CACNA1C: variants seen among roughly 807,000 people sequenced by gnomAD.
CACNA1C encodes the protein calcium voltage-gated channel subunit alpha1 C.
CACNA1C carries 30 observed loss-of-function variants against 229.0 expected under a neutral mutation model. The ratio of observed to expected loss-of-function variants is 0.13; its 90% CI spans 0.10 to 0.18. The LOEUF is 0.18. Ranked by LOEUF, CACNA1C falls within the 10% of genes least tolerant of loss-of-function variation. CACNA1C has a pLI of 1.00. For synonymous variants in CACNA1C, 1,114 were observed against 1,132.5 expected (o/e 0.98, Z 0.33); for missense variants, 1,658 against 2,845.0 (o/e 0.58, Z 9.49).
chr12:2,581,771 C>T lies in CACNA1C; in HGVS notation c.2077C>T (p.Pro693Ser). Reference sequence around the variant, plus strand: ...CCGGAGGAGCACATTCGATAACTTCCCCCAGTCCCTCCTCACTGTGTTTCA... The same window carrying T: ...CCGGAGGAGCACATTCGATAACTTCTCCCAGTCCCTCCTCACTGTGTTTCA... ...QTRRSTFDNFPQSLLTVFQIL... is the reference protein window; with the variant it reads ...QTRRSTFDNFSQSLLTVFQIL... Residue 693 changes from proline (P) to serine (S), a missense_variant, in exon 14 of 47, where the codon CCC (proline) becomes TCC (serine). Pro to Ser is a moderately conservative substitution (Grantham distance 74). Coordinates refer to ENST00000399655, the MANE Select transcript of CACNA1C (RefSeq NM_000719.7). 1 of 1,610,540 alleles carries T rather than the reference C, an allele frequency of 6.2e-7. No individual in the cohort carries two copies. The highest frequency in any genetic ancestry group is 1.1e-5 in the South Asian group (1 of 90,954).
intron 1 of CACNA1C, among the ~76,000 whole-genome samples, chr12:2,113,557 G>A (rs1323044828): frequency 3.3e-5 from 5 of 152,148 alleles, no homozygotes; most frequent in African/African-American, 4.8e-5. Context: ...CACTGTGGGC[G>A]GCCTTGGGTG....
upstream of CACNA1C, among the ~76,000 whole-genome samples, chr12:2,052,152 C>T (rs940655517): frequency 1.3e-5 from 2 of 152,112 alleles, no homozygotes; most frequent in Non-Finnish European, 2.9e-5. Flanking sequence ...TAGATTCCTG[C>T]CGGAGTTGCA....
At position 2,067,406 on chromosome 12, in the gene CACNA1C, G is replaced by A. The variant is rs1318800778; in HGVS notation, c.49+13795G>A. 6.6e-6 allele frequency among the ~76,000 whole-genome samples: 1 copy of A among 151,846 alleles called. No homozygotes were observed. The highest frequency in any genetic ancestry group is 1.5e-5 in the Non-Finnish European group (1 of 68,002). Reference sequence around the variant, plus strand: ...CAAAAGCCTGGGTGGTGGAGATGGTGGCAGTTTAAGGATGTGGGCTTAGGA... The same window carrying A: ...CAAAAGCCTGGGTGGTGGAGATGGTAGCAGTTTAAGGATGTGGGCTTAGGA... On this transcript the variant is annotated intron_variant, in intron 1 of 46. Transcript: ENST00000399655. The surrounding 1 kb of genome is among the most constrained non-coding windows in gnomAD (Gnocchi z 5.3).
intron 39 of CACNA1C, among the ~76,000 whole-genome samples, chr12:2,675,619 A>C (rs1031191475): frequency 3.2e-4 from 48 of 152,358 alleles, no homozygotes; most frequent in Non-Finnish European, 2.9e-4. Context: ...AATCCAAAGT[A>C]TAGTTTTCCT....
At chr12:2,568,979 C>T (rs758727043) in intron 13 of CACNA1C, among the ~76,000 whole-genome samples, 3 of 152,174 alleles carry the variant, frequency 2.0e-5, no homozygotes, top group Non-Finnish European at 4.4e-5. Flanking sequence ...TTCTTGAGCA[C>T]CTGAGCTGTT....
rs1251538181 is a variant in CACNA1C, at chr12:2,536,994, TCAGGCCCCTGG to T, written c.1391-12947_1391-12937del. ...CAAGTGGCAGAGCCAGGATCCAAAC[TCAGGCCCCTGG>T]CCCCCAAGCCCATGCTCCTAACCAC... On this transcript the variant is annotated intron_variant, in intron 9 of 46. Coordinates refer to ENST00000399655, the MANE Select transcript of CACNA1C (RefSeq NM_000719.7). Among the ~76,000 whole-genome samples the T allele has an allele frequency of 5.3e-5, 8 of 152,136 alleles. No individual in the cohort carries two copies. In the South Asian group the frequency reaches 1.7e-3, roughly 32 times the overall value.
chr12:2,474,727 G>A (rs1305199984), intron 5 of CACNA1C, among the ~76,000 whole-genome samples: 1 of 144,318 alleles, frequency 6.9e-6, no homozygotes, highest in Non-Finnish European at 1.5e-5. Flanking sequence ...TTGCGCTCCA[G>A]CCTGGGCAAC....
chr12:2,607,679 G>T (rs768727813), intron 26 of CACNA1C, among the ~76,000 whole-genome samples: 1 of 152,258 alleles, frequency 6.6e-6, no homozygotes, highest in Non-Finnish European at 1.5e-5. Context: ...AGAGCAGCCC[G>T]TGGGCCTTGC....
chr12:2,168,026 A>G (rs73050454), intron 3 of CACNA1C, among the ~76,000 whole-genome samples: 679 of 152,312 alleles, frequency 4.5e-3, no homozygotes, highest in Middle Eastern at 6.8e-3. Context: ...CCCACAATGG[A>G]TATTTCAAGA....
chr12:2,142,603 G>C lies in CACNA1C; in HGVS notation c.477+22173G>C, dbSNP rs138140963. Reference sequence around the variant, plus strand: ...GCCATAAGAAGGCATTGTCATCTTAGGACATGCAGCTGTGTATTATTTTCC... The same window carrying C: ...GCCATAAGAAGGCATTGTCATCTTACGACATGCAGCTGTGTATTATTTTCC... On this transcript the variant is annotated intron_variant, in intron 3 of 46. Transcript: ENST00000399655. Among the ~76,000 whole-genome samples, 1,135 of 151,438 alleles carry C rather than the reference G, an allele frequency of 7.5e-3. 23 individuals carry two copies. The highest frequency in any genetic ancestry group is 0.026 in the African/African-American group (1,076 of 41,476).
At chr12:2,195,002 G>A (rs148660788) in intron 3 of CACNA1C, among the ~76,000 whole-genome samples, 12 of 152,338 alleles carry the variant, frequency 7.9e-5, no homozygotes, top group African/African-American at 2.9e-4. Flanking sequence ...AAAGTTTCAA[G>A]CTACTAAAAT....
chr12:2,251,224 T>C (rs887549324), intron 3 of CACNA1C, among the ~76,000 whole-genome samples: 3 of 152,052 alleles, frequency 2.0e-5, no homozygotes, highest in African/African-American at 7.2e-5. Context: ...CATAAGGTCA[T>C]GGGGGTGAAG....
chr12:2,273,684 T>A lies in CACNA1C; in HGVS notation c.477+153254T>A, dbSNP rs149848951. 5.3e-5 allele frequency among the ~76,000 whole-genome samples: 8 copies of A among 152,234 alleles called. No homozygotes were observed. In the East Asian group the frequency reaches 1.4e-3, roughly 26 times the overall value. On this transcript the variant is annotated intron_variant, in intron 3 of 46. Transcript: ENST00000399655. The stretch of plus-strand genomic sequence containing the variant: ...AACAAAGCTCAGATAGACGGAGGGG[T>A]GTTCAAGGAACTTTGCACGATTTCC...
intron 29 of CACNA1C, among the ~76,000 whole-genome samples, chr12:2,622,517 C>T (rs1789814102): frequency 1.3e-5 from 2 of 152,182 alleles, no homozygotes; most frequent in South Asian, 4.1e-4. Flanking sequence ...CCTTCCCAGA[C>T]CTTGCTGGAC....
chr12:2,360,156 A>ACCCCCC (rs796441635), intron 3 of CACNA1C, among the ~76,000 whole-genome samples: 2 of 57,016 alleles, frequency 3.5e-5, no homozygotes, highest in Non-Finnish European at 6.9e-5. Context: ...AACACACCCC[A>ACCCCCC]CCCCCCCCCA....
intron 1 of CACNA1C, among the ~76,000 whole-genome samples, chr12:2,084,726 C>G (rs2066927126): frequency 6.6e-6 from 1 of 152,152 alleles, no homozygotes; most frequent in South Asian, 2.1e-4. Context: ...TTGCGTTTGC[C>G]TTTTTGGCAG....
Position 2,079,996 on chromosome 12 carries a change from C to G in CACNA1C, c.49+26385C>G, listed in dbSNP as rs553663424. ...CTTGTTTAGGCTGGGTGTGGTGGCT[C>G]ACACCTGTAATCCCAACACTTTGGG... is the stretch of plus-strand genomic sequence containing the variant. On this transcript the variant is annotated intron_variant, in intron 1 of 46. Coordinates refer to ENST00000399655, the MANE Select transcript of CACNA1C (RefSeq NM_000719.7). 3.3e-5 allele frequency among the ~76,000 whole-genome samples: 5 copies of G among 152,334 alleles called. No homozygotes were observed. The South Asian group carries it at 1.0e-3, about 32-fold the overall frequency.
At chr12:2,453,316 A>G (rs61909374) in intron 4 of CACNA1C, among the ~76,000 whole-genome samples, 14,941 of 152,194 alleles carry the variant, frequency 0.098, 847 homozygotes, top group Non-Finnish European at 0.12. Flanking sequence ...TTCTAGATCC[A>G]GATACCTGGG....
intron 3 of CACNA1C, among the ~76,000 whole-genome samples, chr12:2,314,481 A>G (rs753923525): frequency 1.3e-5 from 2 of 152,106 alleles, no homozygotes; most frequent in Non-Finnish European, 2.9e-5. Flanking sequence ...CGTTACTCAC[A>G]CCTCTCGTGC....
Sources: allele counts gnomAD v4.1 joint callset (sites outside exome capture counted in the v4.1 genomes callset), GRCh38; gene constraint gnomAD v4.1.1; non-coding constraint Gnocchi (gnomAD v3.1); transcripts MANE v1.5; gene names NCBI Gene and HGNC (gene_info 2026-07-23, HGNC 2026-07-21).